Variants in LENG8 observed in about 807,000 individuals in gnomAD.
The protein encoded by LENG8 is leukocyte receptor cluster member 8, also known as leukocyte receptor cluster (LRC) member 8.
Under a neutral mutation model 102.1 loss-of-function variants are expected in LENG8, and 28 were observed. The ratio of observed to expected loss-of-function variants is 0.27; its 90% CI spans 0.20 to 0.38. The LOEUF (loss-of-function observed/expected upper bound fraction) is 0.38, where lower values mean the gene tolerates loss of function less well. LENG8 is among the 10% of genes least tolerant of loss of function. The pLI is 1.00. For missense variants in LENG8, 1,022 were observed against 1,113.9 expected (o/e 0.92, Z 1.17); for synonymous variants, 531 against 456.7 (o/e 1.16, Z -2.07).
Position 54,461,951 on chromosome 19 carries a change from T to C in LENG8, c.*1023T>C. 1 of 1,030,360 alleles carries C rather than the reference T, an allele frequency of 9.7e-7. No individual in the cohort carries two copies. The allele number at this position is 1,030,360 out of a possible 1,614,324, so 63.8% of individuals were successfully genotyped here. On this transcript the variant is annotated 3_prime_UTR_variant, in exon 16 of 16. Transcript: ENST00000326764. ...CCTCCTTTTCCTTCCTTCCTTCCTT[T>C]CCTTGGAGCACTGAGCACCATTTGG...
At chr19:54,459,711 C>T (rs1414488031) in intron 15 of LENG8, 2 of 1,029,460 alleles carry the variant, frequency 1.9e-6, no homozygotes, top group African/African-American at 1.7e-5. Context: ...TTTGGAGACT[C>T]ATTCTGGAAT....
chr19:54,458,679 C>T, intron 15 of LENG8, 158 bp downstream of exon 15: 1 of 1,551,812 alleles, frequency 6.4e-7, no homozygotes, highest in Non-Finnish European at 8.7e-7. Context: ...CCTCCCCTCT[C>T]CAGTTCCTCT....
At position 54,461,331 on chromosome 19, in the gene LENG8, G is replaced by A. The variant is rs370404897; in HGVS notation, c.*403G>A. ...GGAAAGAAGACAGGCCGTCCAGCCC[G>A]TGCCCGCCTGCGGCGGGGGCACCCA... On this transcript the variant is annotated 3_prime_UTR_variant, in exon 16 of 16. Coordinates refer to ENST00000326764, the MANE Select transcript of LENG8 (RefSeq NM_052925.4). 463 of 461,382 alleles carry A rather than the reference G, an allele frequency of 1.0e-3. 6 individuals carry two copies. The highest frequency in any genetic ancestry group is 6.8e-3 in the South Asian group (433 of 63,928). The allele number at this position is 461,382 out of a possible 1,614,324, so 28.6% of individuals were successfully genotyped here. A position where few individuals can be genotyped will look rare whatever the true frequency, so the allele number is the denominator to read the frequency against.
At chr19:54,453,750 A>G (rs1301602301) in intron 5 of LENG8, 94 bp downstream of exon 5, 1 of 864,860 alleles carries the variant, frequency 1.2e-6, no homozygotes, top group Non-Finnish European at 1.8e-6. Context: ...GTACTCCTTA[A>G]GCTGCTTTTT....
intron 1 of LENG8, among the ~76,000 whole-genome samples, chr19:54,450,618 C>T (rs1023368115): frequency 1.8e-5 from 2 of 108,836 alleles, no homozygotes; most frequent in African/African-American, 3.5e-5. Context: ...TACTCCCTAG[C>T]TTTTTTTTTT....
At chr19:54,459,060 C>A in intron 15 of LENG8, 1 of 1,409,230 alleles carries the variant, frequency 7.1e-7, no homozygotes, top group South Asian at 1.7e-5. Context: ...CTGCAGTGTC[C>A]TTCGTTCACT....
In LENG8 at chr19:54,455,056, G is replaced by A; in HGVS notation, c.785G>A (p.Gly262Asp). The A allele has an allele frequency of 6.2e-7, 1 of 1,614,144 alleles. No individual in the cohort carries two copies. Among genetic ancestry groups the A allele is most frequent in the East Asian group, 2.2e-5 (1 of 44,880 alleles). ...GCAGAGGGCCAGCACAGTGGTTTTG[G>A]CCCCCAGCCCAACCCTGAGAAAGTT... ...SNAEGQHSGF[G>D]PQPNPEKVQN... The change falls in exon 7 of 16, where the codon GGC (glycine) becomes GAC (aspartate). Residue 262 changes from glycine to aspartate, a missense_variant. This residue lies in a region of LENG8 where 343 missense variants were observed against 320.2 expected (regional missense o/e 1.07). Transcript: ENST00000326764.
intron 3 of LENG8, 144 bp from the exon 4 acceptor site, chr19:54,452,507 G>T: frequency 1.3e-6 from 1 of 749,254 alleles, no homozygotes; most frequent in South Asian, 1.6e-5. Context: ...TGAGTCTCAT[G>T]GTAGAGACAG....
At position 54,454,581 on chromosome 19, in the gene LENG8, A is replaced by G. The variant is rs2084123498; in HGVS notation, c.578A>G (p.His193Arg). 1.2e-6 allele frequency: 2 copies of G among 1,607,504 alleles called. No individual in the cohort carries two copies. The highest frequency in any genetic ancestry group is 2.3e-5 in the East Asian group (1 of 44,350). Residue 193 changes from histidine to arginine, a missense_variant, in exon 6 of 16, where the codon CAC becomes CGC. Physicochemically the swap from His to Arg is conservative, Grantham distance 29 (BLOSUM62 0). Coordinates refer to ENST00000326764, the MANE Select transcript of LENG8 (RefSeq NM_052925.4). The stretch of plus-strand genomic sequence containing the variant: ...CCTGGGACAGCTCCAGCCACACAGC[A>G]CAGCCAGGCGGGGCCCGCCACGGGC... ...PQPGTAPATQ[H>R]SQAGPATGQA...
At chr19:54,458,677 C>T (rs951895564) in intron 15 of LENG8, 156 bp downstream of exon 15, 9 of 1,551,726 alleles carry the variant, frequency 5.8e-6, no homozygotes, top group African/African-American at 4.1e-5. Context: ...GCCCTCCCCT[C>T]TCCAGTTCCT....
intron 1 of LENG8, chr19:54,449,774 G>C (rs2123034344): frequency 6.6e-6 from 1 of 152,476 alleles, no homozygotes; most frequent in East Asian, 1.9e-4. Flanking sequence ...CCTCGCGTCT[G>C]ATGCCTGTCT....
intron 4 of LENG8, 62 bp from the exon 5 acceptor site, chr19:54,453,484 C>A: frequency 1.9e-6 from 2 of 1,074,270 alleles, no homozygotes; most frequent in Admixed American, 1.8e-5. Flanking sequence ...AGTTCCTGAG[C>A]AGGCTGGGGA....
chr19:54,455,683 T>G (rs889148), intron 8 of LENG8, 116 bp downstream of exon 8: 4 of 983,396 alleles, frequency 4.1e-6, no homozygotes, highest in African/African-American at 3.3e-5. Flanking sequence ...AGAAATGAAC[T>G]GGAAAGTTGG....
chr19:54,450,724 G>T (rs921027148), intron 1 of LENG8, among the ~76,000 whole-genome samples: 1 of 150,898 alleles, frequency 6.6e-6, no homozygotes, highest in South Asian at 2.1e-4. Flanking sequence ...GTGTTCAAGC[G>T]ATTCTCCTGC....
chr19:54,459,256 C>T, intron 15 of LENG8: 1 of 1,040,292 alleles, frequency 9.6e-7, no homozygotes, highest in South Asian at 4.0e-5. Context: ...TGCCCTGCCA[C>T]TGCCATTGGG....
chr19:54,455,281 T>C, intron 7 of LENG8, 83 bp from the exon 8 acceptor site: 1 of 1,538,412 alleles, frequency 6.5e-7, no homozygotes, highest in Non-Finnish European at 9.0e-7. Context: ...TGCGTCCCGC[T>C]GTGTCAGCTC....
intron 1 of LENG8, among the ~76,000 whole-genome samples, chr19:54,450,467 C>A (rs1170417139): frequency 1.3e-5 from 2 of 152,132 alleles, no homozygotes; most frequent in African/African-American, 4.8e-5. Context: ...AATATTCTTC[C>A]AGCCCCCTCG....
intron 1 of LENG8, 84 bp from the exon 2 acceptor site, chr19:54,451,206 T>C: frequency 1.1e-6 from 1 of 876,844 alleles, no homozygotes; most frequent in Non-Finnish European, 1.9e-6. Context: ...CGGCTTCTCT[T>C]GAGTCCATCT....
At chr19:54,460,651 G>T (rs1055878241) in intron 15 of LENG8, 115 bp from the exon 16 acceptor site, 1 of 1,443,908 alleles carries the variant, frequency 6.9e-7, no homozygotes, top group Non-Finnish European at 9.1e-7. Context: ...GAGCCAGCAG[G>T]CACTGTGCTG....
Sources: gnomAD v4.1 joint callset for allele counts (sites outside exome capture counted in the v4.1 genomes callset) on GRCh38, gnomAD v4.1.1 for gene constraint, gnomAD v4.1.1 regional missense constraint, MANE v1.5 for transcripts, NCBI Gene and HGNC (gene_info 2026-07-23, HGNC 2026-07-21) for gene names.